The following KIF26B variants were observed in gnomAD, a reference collection of about 807,000 sequenced individuals.
The protein encoded by KIF26B is kinesin family member 26B, also known as kinesin-like protein KIF26B.
Under a neutral mutation model 151.2 loss-of-function variants are expected in KIF26B, and 63 were observed. That is an observed-to-expected ratio of 0.42 (90% CI 0.34 to 0.51). The LOEUF (loss-of-function observed/expected upper bound fraction) is 0.51, where lower values mean the gene tolerates loss of function less well. Among genes scored for constraint, KIF26B ranks in the 20% least tolerant of loss-of-function variants. The probability of loss-of-function intolerance (pLI) is 0.07; values close to 1 mark genes in which losing one functional copy is unlikely to be tolerated. For synonymous variants in KIF26B, 1,357 were observed against 1,262.1 expected (o/e 1.08, Z -1.59); for missense variants, 2,813 against 2,913.6 (o/e 0.97, Z 0.79).
chr1:245,232,835 C>T (rs566018262), intron 2 of KIF26B, among the ~76,000 whole-genome samples: 1 of 152,218 alleles, frequency 6.6e-6, no homozygotes, highest in Non-Finnish European at 1.5e-5. Context: ...GAGGCATGAG[C>T]CATCGCACCC....
rs1157638592 is a variant in KIF26B, at chr1:245,705,783, AG to A, written c.*3179del. On this transcript the variant is annotated 3_prime_UTR_variant, in exon 15 of 15. Coordinates refer to ENST00000407071, the MANE Select transcript of KIF26B (RefSeq NM_018012.4). ...CACGTCGCATTGCACGGTGGTGCTG[AG>A]GAGCGAGAGTTTGCTTTATCATGGG... is the stretch of plus-strand genomic sequence containing the variant. 2 of 152,116 alleles carry A rather than the reference AG, an allele frequency of 1.3e-5. No individual in the cohort carries two copies. Among genetic ancestry groups the A allele is most frequent in the Non-Finnish European group, 2.9e-5 (2 of 68,034 alleles). The allele number at this position is 152,116 out of a possible 1,614,324, so 9.4% of individuals were successfully genotyped here. A position where few individuals can be genotyped will look rare whatever the true frequency, so the allele number is the denominator to read the frequency against.
chr1:245,327,446 C>T (rs1038168441), intron 2 of KIF26B, among the ~76,000 whole-genome samples: 2 of 151,992 alleles, frequency 1.3e-5, no homozygotes, highest in African/African-American at 2.4e-5. Flanking sequence ...CATTTGTTTT[C>T]CTCCCTTGCA....
chr1:245,202,945 A>AAAC (rs1553334219), intron 2 of KIF26B, among the ~76,000 whole-genome samples: 1 of 148,592 alleles, frequency 6.7e-6, no homozygotes, highest in Non-Finnish European at 1.5e-5. Flanking sequence ...CTGTCTCAAA[A>AAAC]AAAACAAAAC....
intron 4 of KIF26B, among the ~76,000 whole-genome samples, chr1:245,530,941 A>G (rs1661344998): frequency 6.6e-6 from 1 of 152,178 alleles, no homozygotes; most frequent in Non-Finnish European, 1.5e-5. Context: ...GAACACTGAG[A>G]TTCGTTTTAA....
Position 245,703,538 on chromosome 1 carries a change from C to T in KIF26B, c.*932C>T, listed in dbSNP as rs2044802020. ...GACCGTTTGCCCCCCTCAAGTCCTC[C>T]ACACATGTGGTTCCTTGACCCACAA... On this transcript the variant is annotated 3_prime_UTR_variant, in exon 15 of 15. Transcript: ENST00000407071. 1 of 152,212 alleles carries T rather than the reference C, an allele frequency of 6.6e-6. No individual in the cohort carries two copies. Among genetic ancestry groups the T allele is most frequent in the African/African-American group, 2.4e-5 (1 of 41,458 alleles). 9.4% of individuals were successfully genotyped at this position (152,212 alleles called of 1,614,324 possible).
chr1:245,354,609 C>T (rs1044987377), intron 2 of KIF26B, among the ~76,000 whole-genome samples: 9 of 152,208 alleles, frequency 5.9e-5, no homozygotes, highest in Non-Finnish European at 8.8e-5. Flanking sequence ...TCCACCAGCC[C>T]GTGGGGTTTT....
intron 4 of KIF26B, among the ~76,000 whole-genome samples, chr1:245,519,443 A>G (rs1160769260): frequency 2.0e-5 from 3 of 151,984 alleles, no homozygotes; most frequent in African/African-American, 7.3e-5. Context: ...AATTCCAGCT[A>G]TTCTGGAGGC....
chr1:245,303,976 T>C (rs1187828178), intron 2 of KIF26B, among the ~76,000 whole-genome samples: 1 of 152,234 alleles, frequency 6.6e-6, no homozygotes, highest in Non-Finnish European at 1.5e-5. Flanking sequence ...TTAATGACTA[T>C]GTTGGGAAGT....
chr1:245,356,287 G>A (rs1387329980), intron 2 of KIF26B, among the ~76,000 whole-genome samples: 2 of 152,216 alleles, frequency 1.3e-5, no homozygotes, highest in Non-Finnish European at 2.9e-5. Flanking sequence ...CAGGCACAGT[G>A]GCTCATGCCT....
intron 2 of KIF26B, among the ~76,000 whole-genome samples, chr1:245,200,665 A>G (rs563171370): frequency 4.6e-5 from 7 of 152,322 alleles, no homozygotes; most frequent in African/African-American, 1.4e-4. Flanking sequence ...AAAAATTGTT[A>G]CCATAAATGA....
chr1:245,413,177 A>T (rs987646590), intron 3 of KIF26B, among the ~76,000 whole-genome samples: 1 of 152,248 alleles, frequency 6.6e-6, no homozygotes, highest in Admixed American at 6.5e-5. Flanking sequence ...CACTGCTTTT[A>T]GACGGTGACA....
At chr1:245,162,417 G>A (rs368183653) in intron 2 of KIF26B, among the ~76,000 whole-genome samples, 4 of 112,592 alleles carry the variant, frequency 3.6e-5, no homozygotes, top group Admixed American at 1.4e-4. Context: ...ACGGAGTCTC[G>A]CTCTGTTGCC....
At chr1:245,353,052 T>C (rs1413167662) in intron 2 of KIF26B, among the ~76,000 whole-genome samples, 1 of 152,246 alleles carries the variant, frequency 6.6e-6, no homozygotes, top group Non-Finnish European at 1.5e-5. Context: ...ACAATGTATA[T>C]GAATTGATTG....
intron 4 of KIF26B, among the ~76,000 whole-genome samples, chr1:245,445,925 G>A (rs1659240252): frequency 6.6e-6 from 1 of 152,166 alleles, no homozygotes; most frequent in South Asian, 2.1e-4. Context: ...TCCAGGGACT[G>A]TGTTCATTTG....
At chr1:245,461,742 G>A (rs1659652282) in intron 4 of KIF26B, among the ~76,000 whole-genome samples, 1 of 152,172 alleles carries the variant, frequency 6.6e-6, no homozygotes, top group Non-Finnish European at 1.5e-5. Context: ...GAATGGCTAA[G>A]CAGCGCACTC....
chr1:245,627,685 T>C (rs1316080688), intron 9 of KIF26B, among the ~76,000 whole-genome samples: 1 of 150,506 alleles, frequency 6.6e-6, no homozygotes, highest in Non-Finnish European at 1.5e-5. Context: ...TATCAATGAA[T>C]CCAGGAGCCA....
intron 2 of KIF26B, among the ~76,000 whole-genome samples, chr1:245,243,877 A>AGAAAG (rs56034883): frequency 6.6e-6 from 1 of 151,198 alleles, no homozygotes; most frequent in African/African-American, 2.4e-5. Context: ...AGAAAAAGAA[A>AGAAAG]GAAAGGAAAG....
intron 4 of KIF26B, among the ~76,000 whole-genome samples, chr1:245,420,530 A>G (rs1658459079): frequency 6.6e-6 from 1 of 152,208 alleles, no homozygotes; most frequent in Admixed American, 6.5e-5. Flanking sequence ...TTTTAATTTA[A>G]TGCTCAGAAC....
intron 5 of KIF26B, among the ~76,000 whole-genome samples, chr1:245,589,505 C>A (rs772696853): frequency 2.6e-5 from 4 of 152,200 alleles, no homozygotes; most frequent in Non-Finnish European, 4.4e-5. Flanking sequence ...ACAAAATTAT[C>A]ATCTCATGGG....
Sources: gnomAD v4.1 joint callset for allele counts (sites outside exome capture counted in the v4.1 genomes callset) on GRCh38, gnomAD v4.1.1 for gene constraint, MANE v1.5 for transcripts, NCBI Gene and HGNC (gene_info 2026-07-23, HGNC 2026-07-21) for gene names.